Variants in ADARB2 observed in about 807,000 individuals in gnomAD.
ADARB2 encodes the protein inactive double-stranded RNA-specific editase B2.
A neutral mutation model predicts 62.2 loss-of-function variants in ADARB2; 25 were observed. That is an observed-to-expected ratio of 0.40 (90% CI 0.29 to 0.56). The LOEUF (loss-of-function observed/expected upper bound fraction) is 0.56. ADARB2 is among the 20% of genes least tolerant of loss of function. ADARB2 has a pLI of 0.43. For missense variants in ADARB2, 1,071 were observed against 1,077.4 expected (o/e 0.99, Z 0.08); for synonymous variants, 572 against 500.8 (o/e 1.14, Z -1.90).
intron 1 of ADARB2, among the ~76,000 whole-genome samples, chr10:1,642,529 A>G (rs757284713): frequency 8.5e-5 from 13 of 152,232 alleles, no homozygotes; most frequent in Non-Finnish European, 1.8e-4. Context: ...ATTATAGCCA[A>G]TCAGATCATT....
At chr10:1,563,171 G>A (rs1363005921) in intron 1 of ADARB2, among the ~76,000 whole-genome samples, 1 of 151,812 alleles carries the variant, frequency 6.6e-6, no homozygotes, top group African/African-American at 2.4e-5. Flanking sequence ...CACCCTTTGA[G>A]CTGTCCAGGG....
At position 1,553,905 on chromosome 10, in the gene ADARB2, C is replaced by T. The variant is rs373545722; in HGVS notation, c.101-174745G>A. On this transcript the variant is annotated intron_variant, in intron 1 of 9. Transcript: ENST00000381312. ...GGCCTGTAAAGGAAGTCCAGGCTCA[C>T]TTAGAACCGGTAGAATTCTAAAATT... Among the ~76,000 whole-genome samples the T allele has an allele frequency of 2.4e-3, 362 of 152,316 alleles. 4 individuals are homozygous for T. The highest frequency in any genetic ancestry group is 8.3e-3 in the African/African-American group (344 of 41,574).
chr10:1,508,239 C>G (rs1831877332), intron 1 of ADARB2, among the ~76,000 whole-genome samples: 1 of 152,198 alleles, frequency 6.6e-6, no homozygotes, highest in South Asian at 2.1e-4. Flanking sequence ...CATCCATCCC[C>G]AGGACAGGCA....
chr10:1,479,232 G>C (rs966155156), intron 1 of ADARB2, among the ~76,000 whole-genome samples: 1 of 152,190 alleles, frequency 6.6e-6, no homozygotes, highest in African/African-American at 2.4e-5. Context: ...GGGACTGTTT[G>C]GAGTGAGGAC....
At chr10:1,381,365 T>A (rs1463107668) in intron 1 of ADARB2, among the ~76,000 whole-genome samples, 1 of 152,196 alleles carries the variant, frequency 6.6e-6, no homozygotes, top group African/African-American at 2.4e-5. Flanking sequence ...ATGAAATACC[T>A]CCTCACACCC....
chr10:1,599,710 CT>C (rs1312015857), intron 1 of ADARB2, among the ~76,000 whole-genome samples: 2 of 152,132 alleles, frequency 1.3e-5, no homozygotes, highest in Admixed American at 1.3e-4. Flanking sequence ...TTAAGTATCC[CT>C]TCCTCTGTCT....
chr10:1,297,411 A>G (rs1197986276), intron 3 of ADARB2, among the ~76,000 whole-genome samples: 1 of 152,222 alleles, frequency 6.6e-6, no homozygotes, highest in Non-Finnish European at 1.5e-5. Context: ...CCAAACAAGC[A>G]GATTTTTAGC....
At chr10:1,683,455 G>A (rs542177161) in intron 1 of ADARB2, among the ~76,000 whole-genome samples, 1 of 152,344 alleles carries the variant, frequency 6.6e-6, no homozygotes, top group Admixed American at 6.5e-5. Flanking sequence ...ATTTTGCAGT[G>A]ATGAAAAGTT....
intron 1 of ADARB2, among the ~76,000 whole-genome samples, chr10:1,550,769 A>G (rs1208846906): frequency 6.6e-6 from 1 of 151,886 alleles, no homozygotes; most frequent in Non-Finnish European, 1.5e-5. Context: ...CACAACCCCG[A>G]GTGCTTAGTC....
chr10:1,566,871 C>T (rs945627921), intron 1 of ADARB2, among the ~76,000 whole-genome samples: 6 of 152,000 alleles, frequency 3.9e-5, no homozygotes, highest in Admixed American at 2.6e-4. Context: ...CTGGCTAAAG[C>T]AATTTTTATG....
intron 3 of ADARB2, among the ~76,000 whole-genome samples, chr10:1,324,939 G>A (rs543841785): frequency 6.6e-6 from 1 of 152,312 alleles, no homozygotes; most frequent in South Asian, 2.1e-4. Flanking sequence ...GTTGTGCTCC[G>A]GCTCTTCAAG....
At chr10:1,319,624 A>G (rs1318699501) in intron 3 of ADARB2, among the ~76,000 whole-genome samples, 3 of 152,252 alleles carry the variant, frequency 2.0e-5, no homozygotes, top group African/African-American at 7.2e-5. Flanking sequence ...AAAAGAGTCT[A>G]TTCCATGACG....
intron 6 of ADARB2, among the ~76,000 whole-genome samples, chr10:1,220,409 A>G (rs1047846790): frequency 4.3e-4 from 65 of 151,582 alleles, no homozygotes; most frequent in African/African-American, 1.5e-3. Flanking sequence ...TGTGGTGGTG[A>G]TGATGGTCGT....
intron 1 of ADARB2, among the ~76,000 whole-genome samples, chr10:1,386,941 G>A (rs1294384628): frequency 1.3e-5 from 2 of 151,826 alleles, no homozygotes; most frequent in African/African-American, 2.4e-5. Context: ...ATATAGTTAT[G>A]TTAAATATAT....
At chr10:1,651,490 G>A (rs1294067588) in intron 1 of ADARB2, among the ~76,000 whole-genome samples, 1 of 152,246 alleles carries the variant, frequency 6.6e-6, no homozygotes, top group African/African-American at 2.4e-5. Context: ...TTCTCCACCA[G>A]CTGCACCCCT....
rs115642608 is a variant in ADARB2, at chr10:1,593,632, C to G, written c.100+143419G>C. On this transcript the variant is annotated intron_variant, in intron 1 of 9. Coordinates refer to ENST00000381312, the MANE Select transcript of ADARB2 (RefSeq NM_018702.4). ...AAAGAAGCAGAGAGTTCTGTAGTCT[C>G]AAGAGTTTAGAAAAGTCTTCTTTGA... is the stretch of plus-strand genomic sequence containing the variant. 4.0e-3 allele frequency among the ~76,000 whole-genome samples: 602 copies of G among 152,324 alleles called. 3 individuals carry two copies. The highest frequency in any genetic ancestry group is 0.014 in the African/African-American group (576 of 41,568).
chr10:1,574,234 G>C (rs906886042), intron 1 of ADARB2, among the ~76,000 whole-genome samples: 1 of 152,208 alleles, frequency 6.6e-6, no homozygotes, highest in Non-Finnish European at 1.5e-5. Flanking sequence ...CAGCATGAAG[G>C]AAACAGCCGG....
chr10:1,660,033 T>C (rs1289735762), intron 1 of ADARB2, among the ~76,000 whole-genome samples: 2 of 151,596 alleles, frequency 1.3e-5, no homozygotes, highest in Non-Finnish European at 2.9e-5. Context: ...GCAGGGGCTG[T>C]CTCCACCCTC....
At chr10:1,600,019 A>G (rs373371750) in intron 1 of ADARB2, among the ~76,000 whole-genome samples, 6 of 152,208 alleles carry the variant, frequency 3.9e-5, no homozygotes, top group African/African-American at 1.4e-4. Context: ...TGCTGGGATT[A>G]CAGACATGTG....
Sources: gnomAD v4.1 joint callset for allele counts (sites outside exome capture counted in the v4.1 genomes callset) on GRCh38, gnomAD v4.1.1 for gene constraint, MANE v1.5 for transcripts, NCBI Gene and HGNC (gene_info 2026-07-23, HGNC 2026-07-21) for gene names.